SPOPL: variants seen among roughly 807,000 people sequenced by gnomAD.
The protein encoded by SPOPL is speckle-type POZ protein-like.
In SPOPL, 23 loss-of-function variants were observed where a neutral mutation model predicts 53.8. The ratio of observed to expected loss-of-function variants is 0.43; its 90% CI spans 0.31 to 0.61. The LOEUF (loss-of-function observed/expected upper bound fraction) is 0.61, where lower values mean the gene tolerates loss of function less well. Among genes scored for constraint, SPOPL ranks in the 20% least tolerant of loss-of-function variants. The pLI is 0.12. For missense variants in SPOPL, 442 were observed against 466.9 expected, an observed-to-expected ratio of 0.95 and a Z score of 0.49; for synonymous variants, 164 against 149.7, an observed-to-expected ratio of 1.10 and a Z score of -0.70.
At chr2:138,530,286 G>A (rs1684778892) in intron 1 of SPOPL, among the ~76,000 whole-genome samples, 1 of 152,104 alleles carries the variant, frequency 6.6e-6, no homozygotes, top group Admixed American at 6.5e-5. Context: ...TTCACTGTGT[G>A]TGGACACATG....
intron 1 of SPOPL, among the ~76,000 whole-genome samples, chr2:138,526,153 T>A (rs1476847727): frequency 3.3e-5 from 5 of 152,208 alleles, no homozygotes; most frequent in Admixed American, 6.5e-5. Flanking sequence ...ATTCTAATGA[T>A]TTTTTAAATC....
At chr2:138,547,879 T>A (rs1685232162) in intron 1 of SPOPL, among the ~76,000 whole-genome samples, 3 of 152,172 alleles carry the variant, frequency 2.0e-5, no homozygotes, top group South Asian at 2.1e-4. Flanking sequence ...TGATTTTTTT[T>A]AGATATATAA....
At chr2:138,526,496 AT>A (rs1183285299) in intron 1 of SPOPL, among the ~76,000 whole-genome samples, 1 of 151,958 alleles carries the variant, frequency 6.6e-6, no homozygotes, top group Non-Finnish European at 1.5e-5. Context: ...GTAATTTTTA[AT>A]TTTTTAGTAT....
intron 1 of SPOPL, among the ~76,000 whole-genome samples, chr2:138,518,996 A>C (rs1684502637): frequency 6.6e-6 from 1 of 152,166 alleles, no homozygotes; most frequent in South Asian, 2.1e-4. Context: ...TCTTCTGTAC[A>C]TTCCCATTCA....
At chr2:138,512,630 A>G (rs1281898727) in intron 1 of SPOPL, among the ~76,000 whole-genome samples, 1 of 152,212 alleles carries the variant, frequency 6.6e-6, no homozygotes, top group African/African-American at 2.4e-5. Flanking sequence ...AAAATAAAAT[A>G]TAATATTTTC....
intron 1 of SPOPL, among the ~76,000 whole-genome samples, chr2:138,531,309 CATT>C (rs1684805342): frequency 6.6e-6 from 1 of 152,030 alleles, no homozygotes; most frequent in Non-Finnish European, 1.5e-5. Context: ...TACTGCCAAT[CATT>C]ATTTTTACCC....
Position 138,572,705 on chromosome 2 carries a change from CAA to C in SPOPL, c.*3627_*3628del, listed in dbSNP as rs1558886369. ...CTATAAAGACAGCACTTTCCGCACA[CAA>C]AGTGTATTTTACAAACCTTTTTTAT... On this transcript the variant is annotated 3_prime_UTR_variant, in exon 11 of 11. Transcript: ENST00000280098. The C allele has an allele frequency of 2.0e-5, 3 of 152,676 alleles. No homozygotes were observed. Among genetic ancestry groups the C allele is most frequent in the South Asian group, 2.1e-4 (1 of 4,832 alleles). The allele number at this position is 152,676 out of a possible 1,614,324, so 9.5% of individuals were successfully genotyped here. A position where few individuals can be genotyped will look rare whatever the true frequency, so the allele number is the denominator to read the frequency against.
At chr2:138,556,784 A>G (rs1162946344) in intron 5 of SPOPL, among the ~76,000 whole-genome samples, 1 of 152,190 alleles carries the variant, frequency 6.6e-6, no homozygotes, top group African/African-American at 2.4e-5. Flanking sequence ...TTGTTGTAAT[A>G]AATGCTTATT....
intron 1 of SPOPL, among the ~76,000 whole-genome samples, chr2:138,536,921 A>G (rs1176138333): frequency 1.3e-5 from 2 of 152,328 alleles, no homozygotes; most frequent in East Asian, 3.9e-4. Flanking sequence ...TCTCTACTGT[A>G]GGAGCTGTGC....
intron 1 of SPOPL, among the ~76,000 whole-genome samples, chr2:138,504,210 C>T (rs1321193538): frequency 6.6e-6 from 1 of 152,192 alleles, no homozygotes; most frequent in Non-Finnish European, 1.5e-5. Flanking sequence ...TAAAATCATT[C>T]TTGTGCCACC....
chr2:138,506,316 A>G (rs1684215296), intron 1 of SPOPL, among the ~76,000 whole-genome samples: 1 of 152,220 alleles, frequency 6.6e-6, no homozygotes, highest in African/African-American at 2.4e-5. Flanking sequence ...ATTGCTGTAA[A>G]CGTTCCTAAA....
intron 1 of SPOPL, among the ~76,000 whole-genome samples, chr2:138,530,271 A>G (rs1430233019): frequency 6.6e-6 from 1 of 152,110 alleles, no homozygotes; most frequent in African/African-American, 2.4e-5. Flanking sequence ...TGCAGTGAAC[A>G]TATGTTCACT....
intron 1 of SPOPL, among the ~76,000 whole-genome samples, chr2:138,539,257 A>G (rs577521029): frequency 3.3e-5 from 5 of 152,354 alleles, no homozygotes; most frequent in Non-Finnish European, 5.9e-5. Context: ...TCCTTTGGGT[A>G]TATACCCAGT....
intron 1 of SPOPL, among the ~76,000 whole-genome samples, chr2:138,504,733 G>A (rs1331054358): frequency 3.3e-5 from 5 of 152,094 alleles, no homozygotes; most frequent in African/African-American, 9.7e-5. Flanking sequence ...GCTACGTACC[G>A]TTCTTGAGAG....
intron 1 of SPOPL, 23 bp downstream of exon 1, chr2:138,502,142 C>G (rs1316884379): frequency 2.0e-5 from 3 of 152,618 alleles, no homozygotes; most frequent in Non-Finnish European, 2.9e-5. Flanking sequence ...TCCCCTCCCC[C>G]CAGTCCCCGC....
intron 1 of SPOPL, among the ~76,000 whole-genome samples, chr2:138,547,949 C>T (rs968073529): frequency 4.6e-5 from 7 of 152,096 alleles, no homozygotes; most frequent in Non-Finnish European, 1.0e-4. Flanking sequence ...AATGGTTGCA[C>T]ATTTTCCATG....
chr2:138,539,799 G>T (rs1386166104), intron 1 of SPOPL, among the ~76,000 whole-genome samples: 1 of 152,130 alleles, frequency 6.6e-6, no homozygotes, highest in Non-Finnish European at 1.5e-5. Flanking sequence ...ATTGCTTTTG[G>T]TGTTTTAGAC....
At chr2:138,515,690 G>T (rs954805118) in intron 1 of SPOPL, among the ~76,000 whole-genome samples, 1 of 152,152 alleles carries the variant, frequency 6.6e-6, no homozygotes, top group Non-Finnish European at 1.5e-5. Flanking sequence ...CATATGTAGA[G>T]AAGTGTCATT....
At chr2:138,543,363 C>G (rs1419263327) in intron 1 of SPOPL, among the ~76,000 whole-genome samples, 1 of 152,222 alleles carries the variant, frequency 6.6e-6, no homozygotes, top group Non-Finnish European at 1.5e-5. Context: ...CCATCACTTT[C>G]AGGTACACCA....
Sources: gnomAD v4.1 joint callset for allele counts (sites outside exome capture counted in the v4.1 genomes callset) on GRCh38, gnomAD v4.1.1 for gene constraint, MANE v1.5 for transcripts, NCBI Gene and HGNC (gene_info 2026-07-23, HGNC 2026-07-21) for gene names.